Variants in C4orf50 observed in about 807,000 individuals in gnomAD.
C4orf50 encodes uncharacterized protein C4orf50.
A neutral mutation model predicts 77.2 loss-of-function variants in C4orf50; 80 were observed. The observed-to-expected ratio is 1.04, with a 90% CI of 0.87 to 1.25. The LOEUF (loss-of-function observed/expected upper bound fraction) is 1.25, where lower values mean the gene tolerates loss of function less well. Ranked by LOEUF, C4orf50 falls within the 50% of genes most tolerant of loss-of-function variation. C4orf50 has a pLI of 0.00. For synonymous variants in C4orf50, 532 were observed against 465.3 expected (o/e 1.14, Z -1.84); for missense variants, 1,257 against 1,152.9 (o/e 1.09, Z -1.31).
intron 7 of C4orf50, among the ~76,000 whole-genome samples, chr4:5,939,361 A>G (rs1392875870): frequency 6.6e-6 from 1 of 152,080 alleles, no homozygotes; most frequent in East Asian, 1.9e-4. Flanking sequence ...TTAGTTTCCC[A>G]TCTCTTTCAA....
At chr4:5,945,111 G>C (rs1718426700) in intron 7 of C4orf50, among the ~76,000 whole-genome samples, 1 of 152,188 alleles carries the variant, frequency 6.6e-6, no homozygotes, top group Non-Finnish European at 1.5e-5. Flanking sequence ...ATGGGGAGGT[G>C]CCTTGGGCTG....
chr4:5,926,773 T>C (rs1340503589), intron 7 of C4orf50, among the ~76,000 whole-genome samples: 1 of 152,178 alleles, frequency 6.6e-6, no homozygotes, highest in Non-Finnish European at 1.5e-5. Flanking sequence ...CCACCCTGCC[T>C]GCATGACCAC....
chr4:6,007,508 C>G lies in C4orf50; in HGVS notation c.963+488G>C, dbSNP rs1449301112. Among the ~76,000 whole-genome samples, 4 of 152,140 alleles carry G rather than the reference C, an allele frequency of 2.6e-5. No individual in the cohort carries two copies. The highest frequency in any genetic ancestry group is 7.2e-5 in the African/African-American group (3 of 41,422). ...TGGTGCCTTGATCTTGGACCTCCAG[C>G]CTCCAAAAGTGTGAAAAATAAGTTT... On this transcript the variant is annotated intron_variant, in intron 25 of 33. Coordinates refer to ENST00000531445, the Ensembl canonical transcript of C4orf50. The surrounding 1 kb of genome is among the most constrained non-coding windows in gnomAD (Gnocchi z 4.1).
intron 7 of C4orf50, among the ~76,000 whole-genome samples, chr4:5,920,932 T>C (rs188517175): frequency 4.0e-4 from 61 of 152,160 alleles, no homozygotes; most frequent in African/African-American, 1.4e-3. Flanking sequence ...GCTGAGCCCA[T>C]GGGAAGCCTC....
At chr4:5,990,700 G>T in exon 28 of C4orf50, 1 of 399,144 alleles carries the variant, frequency 2.5e-6, no homozygotes, top group Non-Finnish European at 4.4e-6. Flanking sequence ...TGGGTCAGCT[G>T]CTAGATTCTC....
intron 28 of C4orf50, among the ~76,000 whole-genome samples, chr4:5,984,078 C>G (rs1337985596): frequency 6.6e-6 from 1 of 152,206 alleles, no homozygotes; most frequent in Admixed American, 6.5e-5. Flanking sequence ...CACTGAGAGG[C>G]CATGCCCTAA....
intron 25 of C4orf50, among the ~76,000 whole-genome samples, chr4:6,003,851 G>GTGATGACGGTGATGT (rs1721989739): frequency 8.2e-5 from 9 of 110,050 alleles, no homozygotes; most frequent in Non-Finnish European, 1.6e-4. Flanking sequence ...AGTGATGATG[G>GTGATGACGGTGATGT]TGATGATGGT....
intron 7 of C4orf50, among the ~76,000 whole-genome samples, chr4:5,937,709 G>A (rs1718088773): frequency 6.6e-6 from 1 of 152,096 alleles, no homozygotes; most frequent in Non-Finnish European, 1.5e-5. Context: ...TATAAAGACA[G>A]AGAAGGATTG....
At position 5,919,369 on chromosome 4, in the gene C4orf50, T is replaced by G. The variant is rs1423014065; in HGVS notation, c.*2475-21181A>C. 2.0e-5 allele frequency among the ~76,000 whole-genome samples: 3 copies of G among 151,428 alleles called. No individual in the cohort carries two copies. Among genetic ancestry groups the G allele is most frequent in the Non-Finnish European group, 4.4e-5 (3 of 67,802 alleles). ...TGTGTATCACCTTCCAGGTGACACA[T>G]TAGATCTTCTTTCACTCACTCCCTG... On this transcript the variant is annotated intron_variant, in intron 7 of 7. Transcript: ENST00000324058. The surrounding 1 kb of genome is among the most constrained non-coding windows in gnomAD (Gnocchi z 6.5).
intron 25 of C4orf50, among the ~76,000 whole-genome samples, chr4:6,006,106 G>C (rs1267122540): frequency 6.6e-6 from 1 of 152,122 alleles, no homozygotes; most frequent in Non-Finnish European, 1.5e-5. Flanking sequence ...AGAACAAACA[G>C]GAAATGTACA....
intron 25 of C4orf50, among the ~76,000 whole-genome samples, chr4:6,004,580 G>A (rs555910309): frequency 9.8e-5 from 1 of 10,206 alleles, no homozygotes; most frequent in Non-Finnish European, 2.7e-4. Flanking sequence ...TGGTGATGGT[G>A]ATGTTGGTGA....
chr4:5,995,804 A>G (rs1234802212), intron 25 of C4orf50, among the ~76,000 whole-genome samples: 1 of 152,222 alleles, frequency 6.6e-6, no homozygotes, highest in African/African-American at 2.4e-5. Context: ...GCATTCATTC[A>G]GAAAACATTT....
intron 24 of C4orf50, among the ~76,000 whole-genome samples, chr4:6,010,074 C>A (rs1403540098): frequency 3.3e-5 from 5 of 152,230 alleles, no homozygotes; most frequent in African/African-American, 1.2e-4. Context: ...TTTTGCCCCT[C>A]ATCACACTGT....
chr4:6,000,528 G>C lies in C4orf50; in HGVS notation c.964-6052C>G, dbSNP rs1478099137. ...GAGATGGACAGAGACTGGCAGCCTT[G>C]TCACATGCTGCAGCCTGGGTCCAGC... On this transcript the variant is annotated intron_variant, in intron 25 of 33. Coordinates refer to ENST00000531445, the Ensembl canonical transcript of C4orf50. This position sits in a 1 kb window ranked among gnomAD's most constrained non-coding sequence, Gnocchi z 6.0. Among the ~76,000 whole-genome samples, 1 of 152,110 alleles carries C rather than the reference G, an allele frequency of 6.6e-6. No individual in the cohort carries two copies. The highest frequency in any genetic ancestry group is 1.5e-5 in the Non-Finnish European group (1 of 68,010).
At chr4:5,965,779 G>C (rs1037738731) in intron 32 of C4orf50, among the ~76,000 whole-genome samples, 1 of 152,176 alleles carries the variant, frequency 6.6e-6, no homozygotes, top group Non-Finnish European at 1.5e-5. Context: ...CTGACATCCT[G>C]CTATGTGCCA....
At chr4:5,975,073 G>C (rs912706807) in intron 30 of C4orf50, among the ~76,000 whole-genome samples, 4 of 145,552 alleles carry the variant, frequency 2.7e-5, no homozygotes, top group Non-Finnish European at 6.0e-5. Flanking sequence ...CTGGGAGGCA[G>C]AGGTTGCAGT....
chr4:6,013,442 T>C (rs1194390472), intron 23 of C4orf50, among the ~76,000 whole-genome samples: 2 of 152,198 alleles, frequency 1.3e-5, no homozygotes, highest in African/African-American at 4.8e-5. Flanking sequence ...CTGATACGAT[T>C]CCTAATCTTA....
chr4:5,989,831 C>T lies in C4orf50; in HGVS notation c.2215G>A (p.Gly739Ser), dbSNP rs57792940. The change falls in exon 28 of 34, where the codon GGT (glycine) becomes AGT (serine). Residue 739 changes from glycine to serine, a missense_variant. Coordinates refer to ENST00000531445, the Ensembl canonical transcript of C4orf50. ...TCGGGGGCACCCCTGCACCCCAGAC[C>T]GGATGCTTCTTGATGCGGCATCTCA... 0.021 allele frequency: 30,930 copies of T among 1,475,532 alleles called. 2,067 individuals carry two copies. The African/African-American group carries it at 0.23, about 11-fold the overall frequency. 91.4% of individuals were successfully genotyped at this position (1,475,532 alleles called of 1,614,324 possible). A position where few individuals can be genotyped will look rare whatever the true frequency, so the allele number is the denominator to read the frequency against.
intron 28 of C4orf50, among the ~76,000 whole-genome samples, chr4:5,983,782 A>G (rs1263330210): frequency 1.3e-5 from 2 of 152,228 alleles, no homozygotes; most frequent in Admixed American, 1.3e-4. Flanking sequence ...TAGAGCTTGG[A>G]GTTTAAGGAT....
Sources: gnomAD v4.1 joint callset for allele counts (sites outside exome capture counted in the v4.1 genomes callset) on GRCh38, gnomAD v4.1.1 for gene constraint, Gnocchi (gnomAD v3.1) non-coding constraint, MANE v1.5 for transcripts, NCBI Gene and HGNC (gene_info 2026-07-23, HGNC 2026-07-21) for gene names.